Variants in FOXK1 observed in about 807,000 individuals in gnomAD.
FOXK1 encodes forkhead box K1.
A neutral mutation model predicts 51.9 loss-of-function variants in FOXK1; 19 were observed. That is an observed-to-expected ratio of 0.37 (90% CI 0.26 to 0.54). The LOEUF (loss-of-function observed/expected upper bound fraction) is 0.54, where lower values mean the gene tolerates loss of function less well. FOXK1 is among the 20% of genes least tolerant of loss of function. The pLI is 0.87. For missense variants in FOXK1, 870 were observed against 1,032.7 expected, an observed-to-expected ratio of 0.84 and a Z score of 2.16; for synonymous variants, 537 against 482.6, an observed-to-expected ratio of 1.11 and a Z score of -1.48.
chr7:4,759,741 A>C, intron 7 of FOXK1, 146 bp downstream of exon 7: 3 of 1,005,788 alleles, frequency 3.0e-6, no homozygotes, highest in Non-Finnish European at 4.3e-6. Flanking sequence ...GTCCCTTTAA[A>C]TCAGCATGAG....
Position 4,711,648 on chromosome 7 carries a change from G to A in FOXK1, c.560+28780G>A, listed in dbSNP as rs749600867. 2.6e-5 allele frequency among the ~76,000 whole-genome samples: 4 copies of A among 152,134 alleles called. No individual in the cohort carries two copies. Among genetic ancestry groups the A allele is most frequent in the Admixed American group, 6.6e-5 (1 of 15,264 alleles). Reference sequence around the variant, plus strand: ...GGGCGGTAGTGAGAATAATTACTAAGGGCGTCATACCCTCTCGTATCTGCA... The same window carrying A: ...GGGCGGTAGTGAGAATAATTACTAAAGGCGTCATACCCTCTCGTATCTGCA... On this transcript the variant is annotated intron_variant, in intron 1 of 8. Transcript: ENST00000328914. The surrounding 1 kb of genome is among the most constrained non-coding windows in gnomAD (Gnocchi z 6.3).
intron 1 of FOXK1, among the ~76,000 whole-genome samples, chr7:4,740,093 G>A (rs1780612787): frequency 6.6e-6 from 1 of 152,162 alleles, no homozygotes; most frequent in African/African-American, 2.4e-5. Flanking sequence ...TCAGGAGTTC[G>A]AGACCAGCCT....
intron 2 of FOXK1, among the ~76,000 whole-genome samples, chr7:4,752,613 G>C (rs1780794050): frequency 6.6e-6 from 1 of 152,226 alleles, no homozygotes; most frequent in Non-Finnish European, 1.5e-5. Context: ...CCTCGGATGA[G>C]ATTTTCCGAG....
chr7:4,712,669 T>A (rs1203897176), intron 1 of FOXK1, among the ~76,000 whole-genome samples: 1 of 152,184 alleles, frequency 6.6e-6, no homozygotes, highest in Non-Finnish European at 1.5e-5. Context: ...CGATCAGGCT[T>A]CTCATTTTAC....
rs1780473139 is a variant in FOXK1, at chr7:4,731,282, C to G, written c.561-9556C>G. 6.6e-6 allele frequency among the ~76,000 whole-genome samples: 1 copy of G among 152,232 alleles called. No individual in the cohort carries two copies. The highest frequency in any genetic ancestry group is 6.5e-5 in the Admixed American group (1 of 15,280). On this transcript the variant is annotated intron_variant, in intron 1 of 8. Coordinates refer to ENST00000328914, the MANE Select transcript of FOXK1 (RefSeq NM_001037165.2). The surrounding 1 kb of genome is among the most constrained non-coding windows in gnomAD (Gnocchi z 5.3). Reference sequence around the variant, plus strand: ...GCCCTGCGGGACGTTTTCCCCCTGCCTCAGAGCCAAACCACTTAACAGAAC... The same window carrying G: ...GCCCTGCGGGACGTTTTCCCCCTGCGTCAGAGCCAAACCACTTAACAGAAC...
intron 2 of FOXK1, 118 bp from the exon 3 acceptor site, chr7:4,754,341 T>C: frequency 8.4e-7 from 1 of 1,194,194 alleles, no homozygotes. Context: ...CACTTAAAAT[T>C]GGAAAGTGTG....
At position 4,769,438 on chromosome 7, in the gene FOXK1, C is replaced by G. The variant is rs1412030182; in HGVS notation, c.*6974C>G. On this transcript the variant is annotated 3_prime_UTR_variant, in exon 9 of 9. Coordinates refer to ENST00000328914, the MANE Select transcript of FOXK1 (RefSeq NM_001037165.2). This position sits in a 1 kb window ranked among gnomAD's most constrained non-coding sequence, Gnocchi z 4.1. ...TGAAGCGGTCTCCAAGTCACTCTGT[C>G]ACCACTTTTTTTTTTTTTGAGATGG... is the stretch of plus-strand genomic sequence containing the variant. 1 of 151,780 alleles carries G rather than the reference C, an allele frequency of 6.6e-6. No individual in the cohort carries two copies. The highest frequency in any genetic ancestry group is 1.5e-5 in the Non-Finnish European group (1 of 67,938). The allele number at this position is 151,780 out of a possible 1,614,324, so 9.4% of individuals were successfully genotyped here. A position where few individuals can be genotyped will look rare whatever the true frequency, so the allele number is the denominator to read the frequency against.
chr7:4,732,121 C>G (rs1258616269), intron 1 of FOXK1, among the ~76,000 whole-genome samples: 1 of 152,234 alleles, frequency 6.6e-6, no homozygotes. Flanking sequence ...CTGTTGTAAA[C>G]GTTTCCATAT....
At chr7:4,712,706 C>A (rs928072006) in intron 1 of FOXK1, among the ~76,000 whole-genome samples, 1 of 152,132 alleles carries the variant, frequency 6.6e-6, no homozygotes, top group Admixed American at 6.6e-5. Context: ...ATCCTCTTAC[C>A]TCGCTCATCT....
At chr7:4,686,083 C>T (rs1013681915) in intron 1 of FOXK1, among the ~76,000 whole-genome samples, 10 of 152,166 alleles carry the variant, frequency 6.6e-5, no homozygotes, top group African/African-American at 2.4e-4. Context: ...GGAAATTCAT[C>T]ACCGAATGTC....
chr7:4,724,972 C>A (rs927435673), intron 1 of FOXK1, among the ~76,000 whole-genome samples: 6 of 152,216 alleles, frequency 3.9e-5, no homozygotes, highest in Non-Finnish European at 8.8e-5. Flanking sequence ...ATAGTGGGGA[C>A]AGGGAGAGGA....
chr7:4,682,437 C>A lies in FOXK1; in HGVS notation c.129C>A (p.Pro43=). ...CCGCGGCCGCACCCCCGCCGGCCCCCGCGCAGCCCCAGCCTCCGCCCGGGC... is the reference window on the plus strand; with the variant it reads ...CCGCGGCCGCACCCCCGCCGGCCCCAGCGCAGCCCCAGCCTCCGCCCGGGC... The part of the protein sequence containing the change: ...AFPAAAPPPA[P]AQPQPPPGPP... Residue 43 remains proline (P), a synonymous_variant, in exon 1 of 9, where the codon CCC becomes CCA. Coordinates refer to ENST00000328914, the MANE Select transcript of FOXK1 (RefSeq NM_001037165.2). This position sits in a 1 kb window ranked among gnomAD's most constrained non-coding sequence, Gnocchi z 7.6. The A allele has an allele frequency of 1.0e-6, 1 of 981,282 alleles. No homozygotes were observed. Among genetic ancestry groups the A allele is most frequent in the South Asian group, 4.5e-5 (1 of 22,096 alleles). The allele number at this position is 981,282 out of a possible 1,614,324, so 60.8% of individuals were successfully genotyped here.
chr7:4,685,818 C>T (rs1198285599), intron 1 of FOXK1, among the ~76,000 whole-genome samples: 1 of 151,944 alleles, frequency 6.6e-6, no homozygotes, highest in African/African-American at 2.4e-5. Context: ...TGGATCACGC[C>T]TGTAGTCCCA....
chr7:4,760,259 A>G (rs2115075924), intron 7 of FOXK1, among the ~76,000 whole-genome samples: 1 of 152,300 alleles, frequency 6.6e-6, no homozygotes. Flanking sequence ...TTTAGGGAAA[A>G]AGTAGTTCTG....
intron 1 of FOXK1, among the ~76,000 whole-genome samples, chr7:4,727,328 T>C (rs527726130): frequency 6.6e-6 from 1 of 152,274 alleles, no homozygotes; most frequent in South Asian, 2.1e-4. Flanking sequence ...TTTGTTTATT[T>C]TTTTGGCAAG....
chr7:4,767,544 T>C lies in FOXK1; in HGVS notation c.*5080T>C, dbSNP rs566214783. On this transcript the variant is annotated 3_prime_UTR_variant, in exon 9 of 9. Transcript: ENST00000328914. The surrounding 1 kb of genome is among the most constrained non-coding windows in gnomAD (Gnocchi z 6.6). ...CACATGTGCTGCTATGAAGACAGGA[T>C]TAGTCTGTAGACGGGACTCAGCTCC... 6.6e-6 allele frequency: 1 copy of C among 152,380 alleles called. No homozygotes were observed. The highest frequency in any genetic ancestry group is 2.1e-4 in the South Asian group (1 of 4,832). 9.4% of individuals were successfully genotyped at this position (152,380 alleles called of 1,614,324 possible).
At chr7:4,737,621 G>A (rs1000843408) in intron 1 of FOXK1, among the ~76,000 whole-genome samples, 3 of 152,020 alleles carry the variant, frequency 2.0e-5, no homozygotes, top group East Asian at 1.9e-4. Flanking sequence ...ATTCAGCACC[G>A]TCGTTCACAG....
At chr7:4,741,121 A>G in intron 2 of FOXK1, 98 bp downstream of exon 2, 1 of 852,246 alleles carries the variant, frequency 1.2e-6, no homozygotes, top group East Asian at 3.3e-5. Flanking sequence ...ATCTCTCTGG[A>G]AAGTTGCACG....
intron 2 of FOXK1, among the ~76,000 whole-genome samples, chr7:4,751,067 T>C (rs1256944587): frequency 7.4e-6 from 1 of 134,818 alleles, no homozygotes; most frequent in Non-Finnish European, 1.6e-5. Context: ...CAGGCTGGAG[T>C]GCAGTGGCGC....
Sources: allele counts gnomAD v4.1 joint callset (sites outside exome capture counted in the v4.1 genomes callset), GRCh38; gene constraint gnomAD v4.1.1; non-coding constraint Gnocchi (gnomAD v3.1); transcripts MANE v1.5; gene names NCBI Gene and HGNC (gene_info 2026-07-23, HGNC 2026-07-21).